Variants in WNT9B observed in about 807,000 individuals in gnomAD.
WNT9B encodes Wnt family member 9B.
In WNT9B, 12 loss-of-function variants were observed where a neutral mutation model predicts 30.2. The observed-to-expected ratio is 0.40, with a 90% CI of 0.26 to 0.64. The LOEUF (loss-of-function observed/expected upper bound fraction) is 0.64. WNT9B is among the 30% of genes least tolerant of loss of function. WNT9B has a pLI of 0.42. For missense variants in WNT9B, 442 were observed against 485.2 expected (o/e 0.91, Z 0.84); for synonymous variants, 218 against 216.9 (o/e 1.01, Z -0.05).
At chr17:46,833,470 C>T (rs1411188779) in intron 1 of WNT9B, 1 of 489,924 alleles carries the variant, frequency 2.0e-6, no homozygotes, top group Non-Finnish European at 4.1e-6. Context: ...GGACAGCCAA[C>T]CCACCCCGAC....
rs199859380 is a variant in WNT9B at position 46,876,240 on chromosome 17, C to G, written c.601-5C>G. Reference sequence around the variant, plus strand: ...GACCACGCCTCTGTTCTGCCTCCCCCACAGGCTGTGAAGAGTGGCCTCAGG... The same window carrying G: ...GACCACGCCTCTGTTCTGCCTCCCCGACAGGCTGTGAAGAGTGGCCTCAGG... On this transcript the variant is annotated splice_region_variant and splice_polypyrimidine_tract_variant and intron_variant, in intron 3 of 3. Coordinates refer to ENST00000290015, the MANE Select transcript of WNT9B (RefSeq NM_003396.3). 1.5e-5 allele frequency: 24 copies of G among 1,599,136 alleles called. No individual in the cohort carries two copies. Among genetic ancestry groups the G allele is most frequent in the East Asian group, 6.7e-5 (3 of 44,602 alleles).
At chr17:46,867,960 C>T (rs1198948665) in intron 1 of WNT9B, among the ~76,000 whole-genome samples, 1 of 152,016 alleles carries the variant, frequency 6.6e-6, no homozygotes, top group Non-Finnish European at 1.5e-5. Flanking sequence ...GTGCAGAGAA[C>T]AGAAGGGCAC....
intron 3 of WNT9B, 137 bp from the exon 4 acceptor site, chr17:46,876,108 G>A (rs2085340562): frequency 3.8e-6 from 3 of 784,056 alleles, no homozygotes; most frequent in African/African-American, 3.5e-5. Flanking sequence ...CCAGGCCAAG[G>A]GGAGGAGCTG....
At chr17:46,853,801 T>C (rs2084895226) in intron 1 of WNT9B, among the ~76,000 whole-genome samples, 1 of 152,092 alleles carries the variant, frequency 6.6e-6, no homozygotes, top group South Asian at 2.1e-4. Context: ...CCACGATTCA[T>C]TTGTTTGCTT....
At chr17:46,858,697 A>G (rs2084980521) in intron 1 of WNT9B, among the ~76,000 whole-genome samples, 1 of 152,114 alleles carries the variant, frequency 6.6e-6, no homozygotes, top group Non-Finnish European at 1.5e-5. Context: ...ATGGGTGTAA[A>G]TAGTTCTCAC....
rs1035869031 is a variant in WNT9B at position 46,876,559 on chromosome 17, C to A, written c.915C>A (p.Cys305Ter). The change falls in exon 4 of 4, where the codon TGC becomes TGA. Residue 305 changes from cysteine (C) to a stop codon, truncating the protein, a stop_gained. Transcript: ENST00000290015. LOFTEE classifies it high-confidence loss of function. ...KYSPGTAGRVCSREASCSSLC... is the reference protein window; with the variant it reads ...KYSPGTAGRV ...CACCTGGCACAGCAGGTAGGGTGTG[C>A]TCCCGGGAGGCCAGCTGCAGCAGCC... 6 of 1,613,534 alleles carry A rather than the reference C, an allele frequency of 3.7e-6. No homozygotes were observed. Among genetic ancestry groups the A allele is most frequent in the Non-Finnish European group, 5.1e-6 (6 of 1,180,028 alleles).
intron 1 of WNT9B, among the ~76,000 whole-genome samples, chr17:46,866,939 C>T (rs774628006): frequency 5.9e-5 from 9 of 152,220 alleles, no homozygotes; most frequent in Admixed American, 1.3e-4. Flanking sequence ...CCCAAACAGC[C>T]TGGAGTGCTC....
intron 1 of WNT9B, among the ~76,000 whole-genome samples, chr17:46,861,277 C>G (rs1344166877): frequency 6.6e-6 from 1 of 152,210 alleles, no homozygotes; most frequent in Non-Finnish European, 1.5e-5. Flanking sequence ...CTTCAATTCA[C>G]TTGTAGTTTC....
At chr17:46,882,280 T>C (rs540764394), downstream of WNT9B, among the ~76,000 whole-genome samples, 3 of 152,358 alleles carry the variant, frequency 2.0e-5, no homozygotes, top group South Asian at 6.2e-4. Flanking sequence ...AGTCCCCCTC[T>C]TTCTTTGCTT....
At chr17:46,872,906 G>GAAAT (rs1472255218) in intron 2 of WNT9B, 133 bp downstream of exon 2, 1 of 1,116,596 alleles carries the variant, frequency 9.0e-7, no homozygotes, top group African/African-American at 1.6e-5. Flanking sequence ...GCCCTAGCAC[G>GAAAT]GTCCCAAATG....
chr17:46,872,786 G>A lies in WNT9B; in HGVS notation c.334+13G>A, dbSNP rs921443620. 7 of 1,565,290 alleles carry A rather than the reference G, an allele frequency of 4.5e-6. No individual in the cohort carries two copies. Among genetic ancestry groups the A allele is most frequent in the East Asian group, 2.3e-5 (1 of 43,946 alleles). On this transcript the variant is annotated intron_variant, in intron 2 of 3. Transcript: ENST00000290015. ...CTGCTCAAGAGAGGTGGGGAGGAGG[G>A]CTAGGGGACGGGGAGGGCTGGGGGA... is the stretch of plus-strand genomic sequence containing the variant.
At chr17:46,866,117 C>T (rs2085129806) in intron 1 of WNT9B, among the ~76,000 whole-genome samples, 1 of 152,086 alleles carries the variant, frequency 6.6e-6, no homozygotes, top group Non-Finnish European at 1.5e-5. Flanking sequence ...AAGAGAAAGG[C>T]ACCTGGAAGG....
chr17:46,878,470 A>T lies in WNT9B; in HGVS notation c.*1752A>T, dbSNP rs2085379240. 6.6e-6 allele frequency among the ~76,000 whole-genome samples: 1 copy of T among 152,206 alleles called. No homozygotes were observed. The highest frequency in any genetic ancestry group is 2.4e-5 in the African/African-American group (1 of 41,448). On this transcript the variant is annotated 3_prime_UTR_variant, in exon 4 of 4. Transcript: ENST00000290015. ...ATTTTTGACTGCAGAGGCCCGGCTG[A>T]GAAGCCAAACTGACCTGAGCCCCTC...
intron 1 of WNT9B, among the ~76,000 whole-genome samples, chr17:46,856,029 A>G (rs1481529214): frequency 6.6e-6 from 1 of 152,168 alleles, no homozygotes; most frequent in Non-Finnish European, 1.5e-5. Context: ...CTTTGTAACT[A>G]GAAATAGTTT....
chr17:46,864,126 G>C (rs1402139155), intron 1 of WNT9B, among the ~76,000 whole-genome samples: 1 of 152,226 alleles, frequency 6.6e-6, no homozygotes, highest in African/African-American at 2.4e-5. Context: ...CTGTGCGTGG[G>C]AAGAGGGTGA....
chr17:46,863,613 C>G lies in WNT9B; in HGVS notation c.78-8904C>G, dbSNP rs527522888. Among the ~76,000 whole-genome samples, 19 of 152,180 alleles carry G rather than the reference C, an allele frequency of 1.2e-4. 1 individual carries two copies. The highest frequency in any genetic ancestry group is 1.2e-3 in the Admixed American group (19 of 15,290). ...AAACATCACAGCATACTAGAGCTGTCTGGGACCTCGGGGTGATCAAATGTT... is the reference window on the plus strand; with the variant it reads ...AAACATCACAGCATACTAGAGCTGTGTGGGACCTCGGGGTGATCAAATGTT... On this transcript the variant is annotated intron_variant, in intron 1 of 3. Transcript: ENST00000290015.
chr17:46,874,938 C>T (rs1241631356), intron 2 of WNT9B, 163 bp from the exon 3 acceptor site: 1 of 1,095,600 alleles, frequency 9.1e-7, no homozygotes, highest in South Asian at 1.3e-5. Flanking sequence ...GACAGGGAGA[C>T]CCACCCGGAG....
chr17:46,876,295 C>G lies in WNT9B; in HGVS notation c.651C>G (p.Gly217=), dbSNP rs374290309. 32 of 1,614,104 alleles carry G rather than the reference C, an allele frequency of 2.0e-5. No homozygotes were observed. The highest frequency in any genetic ancestry group is 2.5e-5 in the Non-Finnish European group (30 of 1,179,980). ...RTTCKCHGVS[G]SCAVRTCWKQ... is the part of the protein sequence containing the mutation. Reference sequence around the variant, plus strand: ...CGTGTAAGTGCCATGGCGTATCAGGCTCCTGTGCCGTGCGCACCTGCTGGA... The same window carrying G: ...CGTGTAAGTGCCATGGCGTATCAGGGTCCTGTGCCGTGCGCACCTGCTGGA... The change falls in exon 4 of 4, where the codon GGC becomes GGG. Residue 217 remains glycine (G), a synonymous_variant. Transcript: ENST00000290015.
intron 3 of WNT9B, among the ~76,000 whole-genome samples, chr17:46,875,857 A>G (rs2085336243): frequency 6.6e-6 from 1 of 152,168 alleles, no homozygotes; most frequent in African/African-American, 2.4e-5. Context: ...ATCTTGGTCT[A>G]TTGAGGGGAG....
Sources: allele counts gnomAD v4.1 joint callset (sites outside exome capture counted in the v4.1 genomes callset), GRCh38; gene constraint gnomAD v4.1.1; transcripts MANE v1.5; gene names NCBI Gene and HGNC (gene_info 2026-07-23, HGNC 2026-07-21).